The following INPP4B variants were observed in gnomAD, a reference collection of about 807,000 sequenced individuals.
The protein encoded by INPP4B is inositol polyphosphate 4-phosphatase type II.
A neutral mutation model predicts 122.5 loss-of-function variants in INPP4B; 55 were observed. That is an observed-to-expected ratio of 0.45 (90% CI 0.36 to 0.56). INPP4B has a LOEUF of 0.56. Among genes scored for constraint, INPP4B ranks in the 20% least tolerant of loss-of-function variants. INPP4B has a pLI of 0.00. For missense variants in INPP4B, 1,000 were observed against 1,097.7 expected, an observed-to-expected ratio of 0.91 and a Z score of 1.26; for synonymous variants, 403 against 388.7, an observed-to-expected ratio of 1.04 and a Z score of -0.43.
At chr4:142,692,036 G>C (rs1163741913) in intron 2 of INPP4B, among the ~76,000 whole-genome samples, 1 of 152,136 alleles carries the variant, frequency 6.6e-6, no homozygotes, top group African/African-American at 2.4e-5. Flanking sequence ...CCTCATGGAA[G>C]ATGTTAATTA....
At chr4:142,599,393 C>T (rs1229635732) in intron 2 of INPP4B, among the ~76,000 whole-genome samples, 1 of 152,138 alleles carries the variant, frequency 6.6e-6, no homozygotes, top group Non-Finnish European at 1.5e-5. Context: ...CCCTAAACTA[C>T]TGAGGAAATC....
chr4:142,803,154 AGAGT>A (rs1282962141), intron 1 of INPP4B, among the ~76,000 whole-genome samples: 1 of 148,428 alleles, frequency 6.7e-6, no homozygotes, highest in African/African-American at 2.5e-5. Context: ...CCTAGGCAAC[AGAGT>A]GAGACTACGT....
chr4:142,588,616 TAAG>T (rs1389790324), intron 2 of INPP4B, among the ~76,000 whole-genome samples: 1 of 150,594 alleles, frequency 6.6e-6, no homozygotes, highest in Non-Finnish European at 1.5e-5. Context: ...AAAAATGAAA[TAAG>T]AATAAATATA....
chr4:142,537,478 ATACACATAC>A (rs1263884968), intron 2 of INPP4B, among the ~76,000 whole-genome samples: 1 of 98,472 alleles, frequency 1.0e-5, no homozygotes, highest in Non-Finnish European at 2.1e-5. Flanking sequence ...AGAGATACAC[ATACACATAC>A]ATACACAAAC....
rs779109391 is a variant in INPP4B at position 142,796,908 on chromosome 4, G to C, written c.-254+49301C>G. ...TGTGTGTGTGTGTGTGTGTGTGTGT[G>C]TGTGTGTCTGTGTGTAATAGCAGAG... On this transcript the variant is annotated intron_variant, in intron 1 of 25. Coordinates refer to ENST00000262992, the MANE Select transcript of INPP4B (RefSeq NM_001101669.3). 4.6e-4 allele frequency among the ~76,000 whole-genome samples: 62 copies of C among 134,988 alleles called. 1 individual carries two copies. Among genetic ancestry groups the C allele is most frequent in the Middle Eastern group, 4.2e-3 (1 of 240 alleles). 88.6% of individuals were successfully genotyped at this position (134,988 alleles called of 152,430 possible). A position where few individuals can be genotyped will look rare whatever the true frequency, so the allele number is the denominator to read the frequency against.
Position 142,135,173 on chromosome 4 carries a change from C to A in INPP4B, c.1721-10413G>T, listed in dbSNP as rs1040029695. On this transcript the variant is annotated intron_variant, in intron 18 of 25. Transcript: ENST00000262992. ...GATCCATATGACTAGGCCTTCATTC[C>A]ACAATATTGGGCCTCTATTATTTGC... Among the ~76,000 whole-genome samples, 12 of 152,096 alleles carry A rather than the reference C, an allele frequency of 7.9e-5. No homozygotes were observed. The East Asian group carries it at 2.3e-3, about 29-fold the overall frequency.
rs1460170464 is a variant in INPP4B, at chr4:142,255,059, TA to T, written c.688+5432del. ...AGTGGGGGCCAATATTCAACATTCTTAAAGAAAAGAATTTTCAACCCAGAAT... is the reference window on the plus strand; with the variant it reads ...AGTGGGGGCCAATATTCAACATTCTTAAGAAAAGAATTTTCAACCCAGAAT... On this transcript the variant is annotated intron_variant, in intron 11 of 25. Coordinates refer to ENST00000262992, the MANE Select transcript of INPP4B (RefSeq NM_001101669.3). Among the ~76,000 whole-genome samples the T allele has an allele frequency of 1.1e-4, 17 of 152,016 alleles. 1 individual carries two copies. Among genetic ancestry groups the T allele is most frequent in the Non-Finnish European group, 2.1e-4 (14 of 68,022 alleles).
chr4:142,066,779 G>A (rs1281886952), intron 25 of INPP4B, among the ~76,000 whole-genome samples: 4 of 152,204 alleles, frequency 2.6e-5, no homozygotes, highest in African/African-American at 9.6e-5. Flanking sequence ...TGAGGGAGGG[G>A]CATCTGCCAT....
chr4:142,557,222 T>G (rs1012611714), intron 2 of INPP4B, among the ~76,000 whole-genome samples: 1 of 152,038 alleles, frequency 6.6e-6, no homozygotes, highest in Admixed American at 6.5e-5. Flanking sequence ...GGGAAACAGT[T>G]GTAGAGAGGA....
At chr4:142,507,864 A>T (rs1216620255) in intron 2 of INPP4B, among the ~76,000 whole-genome samples, 3 of 152,120 alleles carry the variant, frequency 2.0e-5, no homozygotes, top group African/African-American at 7.2e-5. Context: ...CTATTGACTT[A>T]ATGACATATC....
chr4:142,268,829 G>A (rs536959251), intron 10 of INPP4B, among the ~76,000 whole-genome samples: 7 of 152,132 alleles, frequency 4.6e-5, no homozygotes, highest in South Asian at 4.2e-4. Flanking sequence ...TCACTATGTC[G>A]GAAGGAAAGT....
chr4:142,327,067 T>C (rs945782903), intron 7 of INPP4B, among the ~76,000 whole-genome samples: 3 of 152,280 alleles, frequency 2.0e-5, no homozygotes, highest in African/African-American at 7.2e-5. Flanking sequence ...AGCAAATATC[T>C]ATTAGCCTCA....
intron 9 of INPP4B, among the ~76,000 whole-genome samples, chr4:142,272,602 T>C (rs897515903): frequency 2.0e-5 from 3 of 151,982 alleles, no homozygotes; most frequent in Admixed American, 2.0e-4. Flanking sequence ...AAGAAAACTA[T>C]ATTAACTCTA....
intron 2 of INPP4B, among the ~76,000 whole-genome samples, chr4:142,600,545 A>G (rs1739681728): frequency 6.6e-6 from 1 of 152,188 alleles, no homozygotes; most frequent in South Asian, 2.1e-4. Context: ...CTCACTGTTA[A>G]GTACATACAA....
At chr4:142,313,017 G>A (rs1016384494) in intron 8 of INPP4B, among the ~76,000 whole-genome samples, 1 of 152,188 alleles carries the variant, frequency 6.6e-6, no homozygotes, top group Admixed American at 6.5e-5. Context: ...AGAAAGGGCA[G>A]GACATGTGTG....
intron 9 of INPP4B, among the ~76,000 whole-genome samples, chr4:142,275,751 A>G (rs1326015893): frequency 6.6e-6 from 1 of 151,838 alleles, no homozygotes; most frequent in African/African-American, 2.4e-5. Flanking sequence ...ATTGTTTAAT[A>G]TTAATAGCTT....
intron 5 of INPP4B, among the ~76,000 whole-genome samples, chr4:142,420,714 CAA>C (rs1281694033): frequency 6.6e-6 from 1 of 151,994 alleles, no homozygotes; most frequent in Non-Finnish European, 1.5e-5. Flanking sequence ...GGCCTTCACA[CAA>C]GTGAATGAAC....
At chr4:142,123,552 A>G (rs563928331) in intron 19 of INPP4B, 137 bp from the exon 20 acceptor site, 16 of 793,546 alleles carry the variant, frequency 2.0e-5, no homozygotes, top group Non-Finnish European at 3.1e-5. Flanking sequence ...TTTGGTAGGC[A>G]TAGTAAAACA....
intron 2 of INPP4B, among the ~76,000 whole-genome samples, chr4:142,546,281 G>A (rs1389438277): frequency 6.6e-6 from 1 of 152,030 alleles, no homozygotes; most frequent in Non-Finnish European, 1.5e-5. Context: ...TGTTTTTTAT[G>A]GCTGCATAGT....
Sources: allele counts gnomAD v4.1 joint callset (sites outside exome capture counted in the v4.1 genomes callset), GRCh38; gene constraint gnomAD v4.1.1; transcripts MANE v1.5; gene names NCBI Gene and HGNC (gene_info 2026-07-23, HGNC 2026-07-21).